Variants in ENKUR observed in about 807,000 individuals in gnomAD.
ENKUR encodes the protein enkurin.
In ENKUR, 19 loss-of-function variants were observed where a neutral mutation model predicts 27.6. That is an observed-to-expected ratio of 0.69 (90% CI 0.48 to 1.01). The LOEUF is 1.01. Among genes scored for constraint, ENKUR ranks in the 50% least tolerant of loss-of-function variants. The pLI is 0.00. For synonymous variants in ENKUR, 117 were observed against 96.9 expected, an observed-to-expected ratio of 1.21 and a Z score of -1.22; for missense variants, 312 against 310.5, an observed-to-expected ratio of 1.00 and a Z score of -0.04.
intron 2 of ENKUR, among the ~76,000 whole-genome samples, chr10:25,052,614 A>T (rs191069805): frequency 0.025 from 3,742 of 151,594 alleles, 152 homozygotes; most frequent in African/African-American, 0.082. Context: ...AGATTTTTTT[A>T]AAAAAAATTT....
chr10:24,995,570 A>G, intron 3 of ENKUR, 76 bp downstream of exon 3: 1 of 1,281,408 alleles, frequency 7.8e-7, no homozygotes. Flanking sequence ...AATAATGATA[A>G]CATAGATGAT....
Position 25,035,560 on chromosome 10 carries a change from A to G in ENKUR, c.37+25552T>C, listed in dbSNP as rs78271651. Reference sequence around the variant, plus strand: ...ACAAGAGCTAAACTCTGTCTCAAGGAAAAAAAAAAAAAGTGTAAATTTATT... The same window carrying G: ...ACAAGAGCTAAACTCTGTCTCAAGGGAAAAAAAAAAAAGTGTAAATTTATT... On this transcript the variant is annotated intron_variant, in intron 2 of 5. Coordinates refer to the ENKUR transcript ENST00000615958. Among the ~76,000 whole-genome samples, 7 of 74,954 alleles carry G rather than the reference A, an allele frequency of 9.3e-5. No individual in the cohort carries two copies. In the East Asian group the frequency reaches 2.2e-3, roughly 24 times the overall value. The allele number at this position is 74,954 out of a possible 152,430, so 49.2% of individuals were successfully genotyped here.
At chr10:25,032,411 C>T (rs1850946788) in intron 2 of ENKUR, among the ~76,000 whole-genome samples, 1 of 152,160 alleles carries the variant, frequency 6.6e-6, no homozygotes, top group African/African-American at 2.4e-5. Flanking sequence ...TTTCTGCTCT[C>T]ACCTATGCCT....
intron 2 of ENKUR, among the ~76,000 whole-genome samples, chr10:25,028,820 C>T (rs1460532857): frequency 6.6e-6 from 1 of 152,158 alleles, no homozygotes; most frequent in Non-Finnish European, 1.5e-5. Context: ...TGATTAGATT[C>T]GCTTTCTTCC....
chr10:25,061,055 C>T lies in ENKUR; in HGVS notation c.37+57G>A, dbSNP rs868502993. On this transcript the variant is annotated intron_variant, in intron 2 of 5. Transcript: ENST00000615958. ...TGAGACAAGGATATCTCTAAGGCCC[C>T]CTATTAGGCTGGCTGCCCAGATGCA... 52 of 1,486,560 alleles carry T rather than the reference C, an allele frequency of 3.5e-5. 1 individual carries two copies. The Middle Eastern group carries it at 1.0e-3, about 29-fold the overall frequency. 92.1% of individuals were successfully genotyped at this position (1,486,560 alleles called of 1,614,324 possible).
upstream of ENKUR, among the ~76,000 whole-genome samples, chr10:25,018,760 C>T (rs117112455): frequency 0.011 from 1,633 of 150,650 alleles, 13 homozygotes; most frequent in Middle Eastern, 0.017. Flanking sequence ...TAAATAAACC[C>T]TTTATAAAGA....
Position 24,982,508 on chromosome 10 carries a change from G to A in ENKUR, c.*1862C>T, listed in dbSNP as rs922712045. 4.6e-5 allele frequency: 7 copies of A among 152,218 alleles called. No homozygotes were observed. The highest frequency in any genetic ancestry group is 9.7e-5 in the African/African-American group (4 of 41,444). 9.4% of individuals were successfully genotyped at this position (152,218 alleles called of 1,614,324 possible). On this transcript the variant is annotated 3_prime_UTR_variant, in exon 6 of 6. Transcript: ENST00000331161. ...TCAAACTAGCTGCATAATGAAGTTT[G>A]ACTTTTTAGTTTCAGGTGTCTACTC...
At chr10:25,011,394 T>C (rs1430732337) in intron 1 of ENKUR, among the ~76,000 whole-genome samples, 3 of 152,106 alleles carry the variant, frequency 2.0e-5, no homozygotes, top group Admixed American at 6.5e-5. Context: ...ATTCTGTAGG[T>C]TGCCTATTCA....
At chr10:24,991,566 CAG>C (rs1849929502) in intron 3 of ENKUR, among the ~76,000 whole-genome samples, 1 of 152,120 alleles carries the variant, frequency 6.6e-6, no homozygotes, top group Non-Finnish European at 1.5e-5. Flanking sequence ...TGGAACAACG[CAG>C]AGTTTGGCCG....
At chr10:24,994,581 G>A (rs1038810669) in intron 3 of ENKUR, among the ~76,000 whole-genome samples, 5 of 151,914 alleles carry the variant, frequency 3.3e-5, no homozygotes, top group Non-Finnish European at 2.9e-5. Flanking sequence ...CAATCCTCCT[G>A]GCCTTCTAAA....
exon 1 of ENKUR, chr10:25,062,203 T>C (rs1000401488): frequency 6.6e-6 from 1 of 152,210 alleles, no homozygotes; most frequent in Admixed American, 6.5e-5. Flanking sequence ...ATCCTGCGTA[T>C]TGAGTCATTC....
intron 2 of ENKUR, among the ~76,000 whole-genome samples, chr10:25,032,319 G>C (rs998951384): frequency 5.3e-5 from 8 of 150,050 alleles, no homozygotes; most frequent in Non-Finnish European, 1.2e-4. Context: ...AAAGAAGGGG[G>C]GGGGGCTATG....
At chr10:25,017,323 C>A (rs1483463250), upstream of ENKUR, among the ~76,000 whole-genome samples, 1 of 152,142 alleles carries the variant, frequency 6.6e-6, no homozygotes, top group African/African-American at 2.4e-5. Context: ...GTCATTTAGA[C>A]GCTTTTACCC....
At chr10:25,060,363 A>G (rs1851313198) in intron 2 of ENKUR, among the ~76,000 whole-genome samples, 3 of 152,190 alleles carry the variant, frequency 2.0e-5, no homozygotes, top group Admixed American at 1.3e-4. Flanking sequence ...TACCATGACC[A>G]GAAATTGGTC....
At chr10:24,990,892 G>A (rs1332019346) in intron 3 of ENKUR, among the ~76,000 whole-genome samples, 2 of 152,140 alleles carry the variant, frequency 1.3e-5, no homozygotes, top group African/African-American at 4.8e-5. Context: ...TTGAGGTCAG[G>A]AGTTCGAGAC....
chr10:25,036,261 G>A (rs1851006732), intron 2 of ENKUR, among the ~76,000 whole-genome samples: 1 of 152,120 alleles, frequency 6.6e-6, no homozygotes, highest in South Asian at 2.1e-4. Flanking sequence ...AGTCTCACGA[G>A]ATCTGATGGT....
chr10:25,011,654 A>T (rs1003052956), intron 1 of ENKUR, among the ~76,000 whole-genome samples: 7 of 152,226 alleles, frequency 4.6e-5, no homozygotes, highest in Non-Finnish European at 1.0e-4. Flanking sequence ...AGGCATTACC[A>T]TTCAGGATAT....
At chr10:25,023,299 G>C (rs747080268) in intron 2 of ENKUR, 2 of 1,614,078 alleles carry the variant, frequency 1.2e-6, no homozygotes, top group Non-Finnish European at 8.5e-7. Context: ...TGTTAAAACG[G>C]ATAAACATGC....
At chr10:25,057,428 C>CACACACACACACACAA (rs57431152) in intron 2 of ENKUR, among the ~76,000 whole-genome samples, 1 of 131,956 alleles carries the variant, frequency 7.6e-6, no homozygotes, top group Non-Finnish European at 1.6e-5. Flanking sequence ...CACACACACA[C>CACACACACACACACAA]AATGCCCTTA....
Sources: gnomAD v4.1 joint callset for allele counts (sites outside exome capture counted in the v4.1 genomes callset) on GRCh38, gnomAD v4.1.1 for gene constraint, MANE v1.5 for transcripts, NCBI Gene and HGNC (gene_info 2026-07-23, HGNC 2026-07-21) for gene names.